The following TBC1D31 variants were observed in gnomAD, a reference collection of about 807,000 sequenced individuals.
TBC1D31 encodes the protein TBC1 domain family member 31.
Under a neutral mutation model 132.9 loss-of-function variants are expected in TBC1D31, and 99 were observed. That is an observed-to-expected ratio of 0.74 (90% CI 0.63 to 0.88). The LOEUF is 0.88. TBC1D31 is among the 40% of genes least tolerant of loss of function. TBC1D31 has a pLI of 0.00. For missense variants in TBC1D31, 1,134 were observed against 1,256.6 expected, an observed-to-expected ratio of 0.90 and a Z score of 1.48; for synonymous variants, 385 against 419.4, an observed-to-expected ratio of 0.92 and a Z score of 1.00.
At chr8:123,080,335 T>C (rs1814997697) in intron 2 of TBC1D31, among the ~76,000 whole-genome samples, 1 of 152,062 alleles carries the variant, frequency 6.6e-6, no homozygotes, top group Non-Finnish European at 1.5e-5. Context: ...AAGGCAAATA[T>C]ATGGGAAACT....
chr8:123,119,998 CAT>C lies in TBC1D31; in HGVS notation c.1437-56_1437-55del. Reference sequence around the variant, plus strand: ...TATACTTTTTGTATCAAATTTTTATCATGTGAAGATATTATTTATTCAAATAA... The same window carrying C: ...TATACTTTTTGTATCAAATTTTTATCGTGAAGATATTATTTATTCAAATAA... On this transcript the variant is annotated intron_variant, in intron 10 of 21. Coordinates refer to ENST00000287380, the MANE Select transcript of TBC1D31 (RefSeq NM_145647.4). 5 of 1,389,924 alleles carry C rather than the reference CAT, an allele frequency of 3.6e-6. No homozygotes were observed. In the South Asian group the frequency reaches 7.6e-5, roughly 21 times the overall value. The allele number at this position is 1,389,924 out of a possible 1,614,324, so 86.1% of individuals were successfully genotyped here. A position where few individuals can be genotyped will look rare whatever the true frequency, so the allele number is the denominator to read the frequency against.
intron 6 of TBC1D31, among the ~76,000 whole-genome samples, chr8:123,099,244 C>T (rs368054269): frequency 2.0e-5 from 3 of 152,144 alleles, no homozygotes; most frequent in East Asian, 1.9e-4. Flanking sequence ...CTCAGCCTCC[C>T]GAGTAGCTGG....
chr8:123,108,924 G>A (rs192057230), intron 8 of TBC1D31, among the ~76,000 whole-genome samples: 23 of 152,232 alleles, frequency 1.5e-4, no homozygotes, highest in Non-Finnish European at 3.1e-4. Context: ...ATCAGATCTC[G>A]TGAGAACTAT....
intron 1 of TBC1D31, 71 bp from the exon 2 acceptor site, chr8:123,077,036 TTTAC>T: frequency 7.2e-7 from 1 of 1,393,140 alleles, no homozygotes; most frequent in Non-Finnish European, 9.7e-7. Flanking sequence ...GACGAAATGC[TTTAC>T]TTGCCATATT....
chr8:123,109,914 T>C (rs183715115), intron 10 of TBC1D31, among the ~76,000 whole-genome samples: 243 of 152,270 alleles, frequency 1.6e-3, no homozygotes, highest in African/African-American at 5.2e-3. Context: ...GCCATCATGG[T>C]GAAACCTATC....
intron 20 of TBC1D31, among the ~76,000 whole-genome samples, chr8:123,146,122 G>A (rs1270788139): frequency 2.0e-5 from 3 of 151,900 alleles, no homozygotes; most frequent in Admixed American, 1.3e-4. Context: ...CACCCGCCTC[G>A]GCCTCCCAAA....
rs769008042 is a variant in TBC1D31 at position 123,129,189 on chromosome 8, G to A, written c.2241G>A (p.Glu747=). Residue 747 remains glutamate (E), a synonymous_variant, in exon 15 of 22, where the codon GAG becomes GAA. Transcript: ENST00000287380. ...CAAGAAGAGAAATGCTCTTACAAGA[G>A]GAGGAGAAAATGATACAACAAAGAC... ...EETRREMLLQ[E]EEKMIQQRQR... The A allele has an allele frequency of 6.2e-7, 1 of 1,601,702 alleles. No homozygotes were observed. Among genetic ancestry groups the A allele is most frequent in the East Asian group, 2.2e-5 (1 of 44,634 alleles).
chr8:123,108,439 G>A lies in TBC1D31; in HGVS notation c.1210-878G>A, dbSNP rs189879002. ...AGGATAAAATGATGAACTCCCACAT[G>A]TTTTTCTGCCAGACTTGTCCTTGAT... On this transcript the variant is annotated intron_variant, in intron 8 of 21. Coordinates refer to ENST00000287380, the MANE Select transcript of TBC1D31 (RefSeq NM_145647.4). 3.0e-3 allele frequency among the ~76,000 whole-genome samples: 458 copies of A among 152,262 alleles called. 4 individuals are homozygous for A. The highest frequency in any genetic ancestry group is 7.5e-3 in the Admixed American group (115 of 15,286).
the TBC1D31 span, among the ~76,000 whole-genome samples, chr8:123,161,091 C>T: frequency 2.6e-5 from 4 of 152,070 alleles, no homozygotes; most frequent in African/African-American, 9.7e-5. Flanking sequence ...AGGCCTGGCC[C>T]GTAGAGAGTG....
chr8:123,125,696 A>G (rs1451981713), intron 11 of TBC1D31, among the ~76,000 whole-genome samples: 1 of 152,216 alleles, frequency 6.6e-6, no homozygotes, highest in Non-Finnish European at 1.5e-5. Context: ...AATGTTGATT[A>G]CATTTAATGA....
intron 11 of TBC1D31, among the ~76,000 whole-genome samples, chr8:123,120,745 A>G (rs1003844397): frequency 2.6e-5 from 4 of 152,060 alleles, no homozygotes; most frequent in Non-Finnish European, 5.9e-5. Context: ...TGAATATATC[A>G]TTTATATATT....
chr8:123,162,577 A>G, the TBC1D31 span, among the ~76,000 whole-genome samples: 2 of 152,196 alleles, frequency 1.3e-5, no homozygotes, highest in African/African-American at 4.8e-5. Flanking sequence ...AGAGAAGCCA[A>G]GTCACTCCAA....
intron 11 of TBC1D31, among the ~76,000 whole-genome samples, chr8:123,125,776 G>A (rs528206523): frequency 6.6e-6 from 1 of 152,236 alleles, no homozygotes; most frequent in Non-Finnish European, 1.5e-5. Flanking sequence ...CAGGAGTCAG[G>A]AGCCAGAATG....
rs1391711016 is a variant in TBC1D31 at position 123,126,689 on chromosome 8, T to TA, written c.1884+4dup. ...TGTAATCTTAAAGATGACTTTGAGG[T>TA]AACGGTCCTTGTTCTTAAGAGAAGG... On this transcript the variant is annotated splice_region_variant and intron_variant, in intron 13 of 21. Coordinates refer to ENST00000287380, the MANE Select transcript of TBC1D31 (RefSeq NM_145647.4). 1.2e-6 allele frequency: 2 copies of TA among 1,604,488 alleles called. No individual in the cohort carries two copies. Among genetic ancestry groups the TA allele is most frequent in the Non-Finnish European group, 8.5e-7 (1 of 1,176,358 alleles).
chr8:123,120,773 T>G (rs1819401536), intron 11 of TBC1D31, among the ~76,000 whole-genome samples: 1 of 152,140 alleles, frequency 6.6e-6, no homozygotes, highest in Non-Finnish European at 1.5e-5. Context: ...TGCAAGAATT[T>G]TATTTTTCTA....
chr8:123,156,244 C>T (rs1487838306), downstream of TBC1D31, among the ~76,000 whole-genome samples: 2 of 152,066 alleles, frequency 1.3e-5, no homozygotes, highest in African/African-American at 4.8e-5. Context: ...AGTTCGAGAC[C>T]AGCCTGGTCA....
chr8:123,091,019 A>G (rs1272219305), intron 4 of TBC1D31, among the ~76,000 whole-genome samples: 1 of 152,126 alleles, frequency 6.6e-6, no homozygotes. Flanking sequence ...TCTACCTCCT[A>G]AAACTGAATT....
chr8:123,106,015 T>G (rs970562319), intron 8 of TBC1D31, among the ~76,000 whole-genome samples: 4 of 152,188 alleles, frequency 2.6e-5, no homozygotes, highest in Admixed American at 6.5e-5. Flanking sequence ...AGTGGTTGAT[T>G]GAAAAGTAGT....
chr8:123,144,611 A>C (rs372929297), intron 19 of TBC1D31, 106 bp from the exon 20 acceptor site: 5 of 1,085,468 alleles, frequency 4.6e-6, no homozygotes, highest in East Asian at 5.1e-5. Context: ...TTGCCATGGG[A>C]ATATAAAGGA....
Sources: allele counts gnomAD v4.1 joint callset (sites outside exome capture counted in the v4.1 genomes callset), GRCh38; gene constraint gnomAD v4.1.1; transcripts MANE v1.5; gene names NCBI Gene and HGNC (gene_info 2026-07-23, HGNC 2026-07-21).